Variants in FGF12 observed in about 807,000 individuals in gnomAD.
FGF12 encodes the protein fibroblast growth factor 12.
In FGF12, 14 loss-of-function variants were observed where a neutral mutation model predicts 23.6. The observed-to-expected ratio is 0.59, with a 90% CI of 0.39 to 0.93. The LOEUF (loss-of-function observed/expected upper bound fraction) is 0.93. Among genes scored for constraint, FGF12 ranks in the 40% least tolerant of loss-of-function variants. The pLI is 0.00. For missense variants in FGF12, 175 were observed against 217.8 expected (o/e 0.80, Z 1.24); for synonymous variants, 62 against 77.3 (o/e 0.80, Z 1.04).
At chr3:192,406,687 T>A (rs1272390164) in intron 2 of FGF12, among the ~76,000 whole-genome samples, 1 of 152,130 alleles carries the variant, frequency 6.6e-6, no homozygotes, top group African/African-American at 2.4e-5. Flanking sequence ...CATCACAAAA[T>A]AAGAAAATGA....
intron 2 of FGF12, among the ~76,000 whole-genome samples, chr3:192,614,704 T>C (rs1296494499): frequency 1.3e-5 from 2 of 151,984 alleles, no homozygotes; most frequent in African/African-American, 4.8e-5. Context: ...TAGTATTCTT[T>C]ATGCTGTAAT....
At chr3:192,697,994 T>G (rs1718177226) in intron 2 of FGF12, among the ~76,000 whole-genome samples, 1 of 147,336 alleles carries the variant, frequency 6.8e-6, no homozygotes, top group South Asian at 2.1e-4. Flanking sequence ...TGCCTGATCT[T>G]TTTTTTTTCA....
intron 2 of FGF12, among the ~76,000 whole-genome samples, chr3:192,628,228 C>T (rs74768791): frequency 0.016 from 2,418 of 152,066 alleles, 42 homozygotes; most frequent in Middle Eastern, 0.048. Flanking sequence ...GAATGTAACA[C>T]AGTTTGTTAA....
intron 4 of FGF12, among the ~76,000 whole-genome samples, chr3:192,256,674 T>A (rs971215830): frequency 6.6e-6 from 1 of 152,102 alleles, no homozygotes; most frequent in Non-Finnish European, 1.5e-5. Context: ...TGAAATGAAA[T>A]AGATTCCTTA....
chr3:192,289,523 CTAAGTCGA>C (rs1282262772), intron 4 of FGF12, among the ~76,000 whole-genome samples: 1 of 152,116 alleles, frequency 6.6e-6, no homozygotes, highest in Non-Finnish European at 1.5e-5. Flanking sequence ...AATGACCATT[CTAAGTCGA>C]TATGTGTGAG....
At chr3:192,287,002 G>C (rs10804942) in intron 4 of FGF12, among the ~76,000 whole-genome samples, 52,038 of 151,834 alleles carry the variant, frequency 0.34, 9,982 homozygotes, top group East Asian at 0.89. Flanking sequence ...AGCCAAAATA[G>C]AAAATTAATG....
chr3:192,606,996 C>T (rs980702842), intron 2 of FGF12, among the ~76,000 whole-genome samples: 1 of 152,068 alleles, frequency 6.6e-6, no homozygotes, highest in Admixed American at 6.6e-5. Context: ...GCTTCAAGGA[C>T]AACCCCCTCC....
chr3:192,596,220 CTGA>C (rs1363132742), intron 2 of FGF12, among the ~76,000 whole-genome samples: 1 of 151,056 alleles, frequency 6.6e-6, no homozygotes, highest in Non-Finnish European at 1.5e-5. Context: ...GAATTAACTG[CTGA>C]TGATATTGAA....
At chr3:192,390,371 A>G (rs1411902822) in intron 2 of FGF12, among the ~76,000 whole-genome samples, 1 of 152,222 alleles carries the variant, frequency 6.6e-6, no homozygotes, top group African/African-American at 2.4e-5. Context: ...ACCAAAGTAC[A>G]GTCATTTTAA....
chr3:192,637,274 C>T (rs970261646), intron 2 of FGF12, among the ~76,000 whole-genome samples: 2 of 152,172 alleles, frequency 1.3e-5, no homozygotes, highest in African/African-American at 4.8e-5. Flanking sequence ...TGGCCACCGA[C>T]GTGCAGGCCG....
intron 5 of FGF12, among the ~76,000 whole-genome samples, chr3:192,145,393 G>T (rs1298493592): frequency 6.6e-6 from 1 of 152,172 alleles, no homozygotes; most frequent in Non-Finnish European, 1.5e-5. Flanking sequence ...TCCTGAGACT[G>T]GTTCAGTGAT....
chr3:192,319,098 C>CAGA (rs919847013), intron 4 of FGF12, among the ~76,000 whole-genome samples: 4 of 152,076 alleles, frequency 2.6e-5, no homozygotes, highest in African/African-American at 9.7e-5. Flanking sequence ...ATATCAACAC[C>CAGA]AGAACTCTCC....
At chr3:192,676,514 G>A (rs991210624) in intron 2 of FGF12, among the ~76,000 whole-genome samples, 2 of 152,198 alleles carry the variant, frequency 1.3e-5, no homozygotes, top group Non-Finnish European at 2.9e-5. Context: ...ATGTACGCAA[G>A]TGAATTAGAA....
chr3:192,299,170 A>C (rs1339246690), intron 4 of FGF12, among the ~76,000 whole-genome samples: 1 of 152,236 alleles, frequency 6.6e-6, no homozygotes, highest in Non-Finnish European at 1.5e-5. Context: ...TGGGTTTTGC[A>C]TGATTTTGAT....
rs1396299359 is a variant in FGF12 at position 192,141,127 on chromosome 3, C to CAAAAAAAAAAAAAAAAAAAAAAAAAA, written c.*2881_*2882insTTTTTTTTTTTTTTTTTTTTTTTTTT. The CAAAAAAAAAAAAAAAAAAAAAAAAAA allele has an allele frequency of 6.4e-4, 14 of 21,830 alleles. 2 individuals carry two copies. Among genetic ancestry groups the CAAAAAAAAAAAAAAAAAAAAAAAAAA allele is most frequent in the East Asian group, 1.8e-3 (1 of 562 alleles). The allele number at this position is 21,830 out of a possible 1,614,324, so 1.4% of individuals were successfully genotyped here. On this transcript the variant is annotated 3_prime_UTR_variant, in exon 6 of 6. Coordinates refer to ENST00000445105, the MANE Select transcript of FGF12 (RefSeq NM_004113.6). Reference sequence around the variant, plus strand: ...TCCTGGGAAAAATCCCAATGCAACTCCAAAAAAAAAAAAAAAAAAAAAAAA... The same window carrying CAAAAAAAAAAAAAAAAAAAAAAAAAA: ...TCCTGGGAAAAATCCCAATGCAACTCAAAAAAAAAAAAAAAAAAAAAAAAAACAAAAAAAAAAAAAAAAAAAAAAAA...
In FGF12 at chr3:192,332,678, C is replaced by A. The variant is rs77577578; in HGVS notation, c.228+2683G>T. ...TTCCTAGCTTAAAAATAAATAGAAG[C>A]CAGGTAAATGACACTAGATAAATGA... On this transcript the variant is annotated intron_variant, in intron 4 of 5. Transcript: ENST00000445105. Among the ~76,000 whole-genome samples the A allele has an allele frequency of 0.014, 2,114 of 152,116 alleles. 66 individuals carry two copies. In the East Asian group the frequency reaches 0.16, roughly 11 times the overall value.
chr3:192,607,655 A>G (rs372145109), intron 2 of FGF12, among the ~76,000 whole-genome samples: 54 of 152,204 alleles, frequency 3.5e-4, no homozygotes, highest in African/African-American at 1.3e-3. Context: ...TAAAAATACA[A>G]TGATTATTAC....
chr3:192,532,040 T>C (rs1363965402), intron 2 of FGF12, among the ~76,000 whole-genome samples: 1 of 152,230 alleles, frequency 6.6e-6, no homozygotes, highest in East Asian at 1.9e-4. Flanking sequence ...GTATGCTTTG[T>C]TGAAGATCAA....
At chr3:192,152,889 G>C (rs1299245018) in intron 5 of FGF12, among the ~76,000 whole-genome samples, 53 of 19,602 alleles carry the variant, frequency 2.7e-3, no homozygotes, top group African/African-American at 7.2e-3. Context: ...CTGTCTCGTT[G>C]ATCTGTCTAA....
Sources: gnomAD v4.1 joint callset for allele counts (sites outside exome capture counted in the v4.1 genomes callset) on GRCh38, gnomAD v4.1.1 for gene constraint, MANE v1.5 for transcripts, NCBI Gene and HGNC (gene_info 2026-07-23, HGNC 2026-07-21) for gene names.